Variants in CNTNAP2 observed in about 807,000 individuals in gnomAD.
CNTNAP2 encodes contactin associated protein 2, also known as contactin-associated protein-like 2.
Under a neutral mutation model 155.2 loss-of-function variants are expected in CNTNAP2, and 98 were observed. That is an observed-to-expected ratio of 0.63 (90% CI 0.54 to 0.75). The LOEUF (loss-of-function observed/expected upper bound fraction) is 0.75, where lower values mean the gene tolerates loss of function less well. CNTNAP2 is among the 30% of genes least tolerant of loss of function. CNTNAP2 has a pLI of 0.00. For missense variants in CNTNAP2, 1,727 were observed against 1,688.1 expected (o/e 1.02, Z -0.40); for synonymous variants, 651 against 631.2 (o/e 1.03, Z -0.47).
chr7:146,450,010 C>T (rs146146728), intron 1 of CNTNAP2, among the ~76,000 whole-genome samples: 2 of 152,282 alleles, frequency 1.3e-5, no homozygotes, highest in East Asian at 3.9e-4. Flanking sequence ...TAATGTCATT[C>T]CCGTGTTCCT....
At chr7:146,257,971 G>A (rs1159951519) in intron 1 of CNTNAP2, among the ~76,000 whole-genome samples, 1 of 149,604 alleles carries the variant, frequency 6.7e-6, no homozygotes, top group Non-Finnish European at 1.5e-5. Context: ...GCTCACTGCA[G>A]CCTCCACCTC....
intron 8 of CNTNAP2, among the ~76,000 whole-genome samples, chr7:147,239,635 C>A (rs949628193): frequency 1.3e-5 from 2 of 151,652 alleles, no homozygotes; most frequent in Admixed American, 6.6e-5. Flanking sequence ...TTATGAAGGA[C>A]AAATACAGTA....
intron 15 of CNTNAP2, among the ~76,000 whole-genome samples, chr7:148,112,456 T>C (rs1337030360): frequency 1.4e-5 from 2 of 146,334 alleles, no homozygotes; most frequent in Admixed American, 6.9e-5. Context: ...AGTGTCTTAC[T>C]GTTGCCCAGG....
chr7:146,494,206 C>T (rs748059521), intron 1 of CNTNAP2, among the ~76,000 whole-genome samples: 114 of 151,928 alleles, frequency 7.5e-4, no homozygotes, highest in Non-Finnish European at 1.2e-3. Flanking sequence ...TGGTGGCGGG[C>T]ACCTGTAGTC....
chr7:146,356,537 G>T (rs191550080), intron 1 of CNTNAP2, among the ~76,000 whole-genome samples: 1 of 152,250 alleles, frequency 6.6e-6, no homozygotes, highest in Admixed American at 6.5e-5. Context: ...GTGTAAGACA[G>T]TGGAATCAAT....
chr7:147,981,397 A>G (rs1801527178), intron 15 of CNTNAP2, among the ~76,000 whole-genome samples: 2 of 152,396 alleles, frequency 1.3e-5, no homozygotes, highest in East Asian at 3.9e-4. Context: ...AAAAAGTGGC[A>G]TAGTGCATTT....
intron 1 of CNTNAP2, among the ~76,000 whole-genome samples, chr7:146,130,428 C>A (rs1797697674): frequency 6.6e-6 from 1 of 152,186 alleles, no homozygotes; most frequent in African/African-American, 2.4e-5. Context: ...AATGATTGCA[C>A]CACTGCATTT....
intron 12 of CNTNAP2, among the ~76,000 whole-genome samples, chr7:147,630,509 G>A (rs2116909159): frequency 6.6e-6 from 1 of 152,016 alleles, no homozygotes; most frequent in South Asian, 2.1e-4. Flanking sequence ...AGCCAGGAAA[G>A]GACATAACAG....
chr7:146,781,980 A>G (rs2129187324), intron 2 of CNTNAP2, among the ~76,000 whole-genome samples: 1 of 152,192 alleles, frequency 6.6e-6, no homozygotes, highest in East Asian at 1.9e-4. Flanking sequence ...CACATGGCCC[A>G]CTCATGACCG....
At chr7:147,036,356 C>G (rs1042228447) in intron 3 of CNTNAP2, among the ~76,000 whole-genome samples, 1 of 152,060 alleles carries the variant, frequency 6.6e-6, no homozygotes, top group African/African-American at 2.4e-5. Flanking sequence ...GTTATTAAAA[C>G]TTCAGGGATG....
chr7:147,201,784 A>T (rs1423761485), intron 8 of CNTNAP2, among the ~76,000 whole-genome samples: 1 of 152,228 alleles, frequency 6.6e-6, no homozygotes, highest in Non-Finnish European at 1.5e-5. Flanking sequence ...GTTCAGTAAG[A>T]TATAAATACT....
intron 3 of CNTNAP2, among the ~76,000 whole-genome samples, chr7:146,883,615 T>C (rs1469926629): frequency 6.6e-6 from 1 of 152,180 alleles, no homozygotes; most frequent in African/African-American, 2.4e-5. Context: ...GCTCCATTCC[T>C]TTCAAATGCA....
At chr7:147,848,255 T>G (rs186572236) in intron 13 of CNTNAP2, among the ~76,000 whole-genome samples, 1 of 147,300 alleles carries the variant, frequency 6.8e-6, no homozygotes, top group East Asian at 2.0e-4. Flanking sequence ...CGAGATTCCG[T>G]AGGCGTAGGA....
intron 13 of CNTNAP2, among the ~76,000 whole-genome samples, chr7:147,862,478 T>C (rs1360011596): frequency 1.3e-5 from 2 of 152,184 alleles, no homozygotes; most frequent in Non-Finnish European, 2.9e-5. Flanking sequence ...ATGTACTTCT[T>C]TATTGCATCT....
chr7:146,525,274 G>A (rs2693412), intron 1 of CNTNAP2, among the ~76,000 whole-genome samples: 5,390 of 151,904 alleles, frequency 0.035, 304 homozygotes, highest in African/African-American at 0.12. Flanking sequence ...AAGAAATGAA[G>A]TTTTTTTCTA....
At chr7:146,560,254 A>G (rs1798259723) in intron 1 of CNTNAP2, among the ~76,000 whole-genome samples, 1 of 152,080 alleles carries the variant, frequency 6.6e-6, no homozygotes, top group South Asian at 2.1e-4. Flanking sequence ...GTTCTTTTTA[A>G]TGCCGATGAG....
intron 1 of CNTNAP2, among the ~76,000 whole-genome samples, chr7:146,376,020 A>G (rs190739093): frequency 6.6e-6 from 1 of 152,322 alleles, no homozygotes; most frequent in African/African-American, 2.4e-5. Flanking sequence ...TCATGAGCGT[A>G]TAACTGCCAC....
chr7:147,528,876 T>C (rs1408258512), intron 11 of CNTNAP2, among the ~76,000 whole-genome samples: 2 of 152,186 alleles, frequency 1.3e-5, no homozygotes, highest in Non-Finnish European at 2.9e-5. Flanking sequence ...CTTTTGTGAT[T>C]TTTTAAAATG....
At chr7:146,442,283 G>C (rs978133231) in intron 1 of CNTNAP2, among the ~76,000 whole-genome samples, 1 of 151,256 alleles carries the variant, frequency 6.6e-6, no homozygotes, top group East Asian at 1.9e-4. Context: ...TCCTTGTTTC[G>C]GGAAGTCTTT....
Sources: allele counts gnomAD v4.1 joint callset (sites outside exome capture counted in the v4.1 genomes callset), GRCh38; gene constraint gnomAD v4.1.1; transcripts MANE v1.5; gene names NCBI Gene and HGNC (gene_info 2026-07-23, HGNC 2026-07-21).